COMMD7: variants seen among roughly 807,000 people sequenced by gnomAD.
COMMD7 encodes COMM domain-containing protein 7.
Under a neutral mutation model 34.8 loss-of-function variants are expected in COMMD7, and 28 were observed. The ratio of observed to expected loss-of-function variants is 0.80; its 90% CI spans 0.60 to 1.10. The LOEUF is 1.10. Among genes scored for constraint, COMMD7 ranks in the 50% least tolerant of loss-of-function variants. The pLI is 0.00. For synonymous variants in COMMD7, 80 were observed against 86.4 expected (o/e 0.93, Z 0.41); for missense variants, 211 against 241.6 (o/e 0.87, Z 0.84).
chr20:32,732,892 C>T (rs1396335877), intron 1 of COMMD7, among the ~76,000 whole-genome samples: 2 of 151,650 alleles, frequency 1.3e-5, no homozygotes, highest in East Asian at 3.9e-4. Context: ...GCCGAGATCG[C>T]GCCACTGCAC....
intron 6 of COMMD7, 108 bp from the exon 7 acceptor site, chr20:32,704,597 T>G (rs1983952574): frequency 1.7e-6 from 2 of 1,205,336 alleles, no homozygotes; most frequent in African/African-American, 1.5e-5. Context: ...AGAAGCCATG[T>G]GGGGGCAAGT....
intron 1 of COMMD7, among the ~76,000 whole-genome samples, chr20:32,740,986 T>C (rs61508120): frequency 0.2 from 31,037 of 151,494 alleles, 3,306 homozygotes; most frequent in Middle Eastern, 0.27. Context: ...CTACTAAAAA[T>C]ACAAAAATTA....
chr20:32,706,011 C>A (rs1185502625), intron 5 of COMMD7, among the ~76,000 whole-genome samples: 4 of 151,674 alleles, frequency 2.6e-5, no homozygotes, highest in African/African-American at 7.3e-5. Flanking sequence ...CCAGCCTGAC[C>A]AACATGGTGA....
intron 3 of COMMD7, among the ~76,000 whole-genome samples, chr20:32,712,722 G>A (rs1418896647): frequency 2.0e-5 from 2 of 100,330 alleles, no homozygotes; most frequent in African/African-American, 3.8e-5. Context: ...ACTTTGAGAT[G>A]GTCCCTTTTT....
At chr20:32,738,548 T>C (rs1986266207) in intron 1 of COMMD7, among the ~76,000 whole-genome samples, 1 of 152,026 alleles carries the variant, frequency 6.6e-6, no homozygotes, top group Admixed American at 6.6e-5. Context: ...GATCATGCCA[T>C]TGCACTACAG....
At position 32,723,225 on chromosome 20, in the gene COMMD7, G is replaced by A. The variant is rs1368191659; in HGVS notation, c.241+4668C>T. Among the ~76,000 whole-genome samples, 216 of 41,420 alleles carry A rather than the reference G, an allele frequency of 5.2e-3. 1 individual carries two copies. The highest frequency in any genetic ancestry group is 0.01 in the Non-Finnish European group (166 of 16,158). 27.2% of individuals were successfully genotyped at this position (41,420 alleles called of 152,430 possible). A position where few individuals can be genotyped will look rare whatever the true frequency, so the allele number is the denominator to read the frequency against. On this transcript the variant is annotated intron_variant, in intron 3 of 8. Transcript: ENST00000278980. ...AGCTGGACTGTACTGCTGCCATCTC[G>A]GCTCACTGCAACCTCCCTGCCTGAT...
At chr20:32,705,963 C>CTGAG (rs1984051678) in intron 5 of COMMD7, among the ~76,000 whole-genome samples, 1 of 152,092 alleles carries the variant, frequency 6.6e-6, no homozygotes, top group South Asian at 2.1e-4. Context: ...CTTTCAGAGG[C>CTGAG]TGAGGCAGGT....
chr20:32,743,284 C>T, intron 1 of COMMD7, 24 bp downstream of exon 1: 1 of 1,505,860 alleles, frequency 6.6e-7, no homozygotes, highest in Non-Finnish European at 8.8e-7. Context: ...GGCCCCGCGC[C>T]CCACGCCCCG....
At chr20:32,726,566 G>A (rs1267208781) in intron 3 of COMMD7, among the ~76,000 whole-genome samples, 1 of 152,028 alleles carries the variant, frequency 6.6e-6, no homozygotes, top group Non-Finnish European at 1.5e-5. Flanking sequence ...AGCTGGGTGT[G>A]GTGGCGGGCA....
At chr20:32,724,237 G>A (rs1985375240) in intron 3 of COMMD7, among the ~76,000 whole-genome samples, 1 of 24,796 alleles carries the variant, frequency 4.0e-5, no homozygotes, top group African/African-American at 1.4e-4. Context: ...GAGCCCCTCT[G>A]CCTGGCCAGC....
chr20:32,730,424 G>A (rs948201880), intron 1 of COMMD7, among the ~76,000 whole-genome samples: 1 of 152,246 alleles, frequency 6.6e-6, no homozygotes, highest in East Asian at 1.9e-4. Flanking sequence ...GCGTGGTGGT[G>A]CGTGCCTGTA....
chr20:32,726,403 C>G (rs1985516525), intron 3 of COMMD7, among the ~76,000 whole-genome samples: 1 of 151,974 alleles, frequency 6.6e-6, no homozygotes, highest in Non-Finnish European at 1.5e-5. Flanking sequence ...CTCAAAAAAA[C>G]AAACAAAAGA....
chr20:32,716,140 T>C (rs6058819), intron 3 of COMMD7, among the ~76,000 whole-genome samples: 105,023 of 152,016 alleles, frequency 0.69, 36,984 homozygotes, highest in Middle Eastern at 0.82. Flanking sequence ...TAGATCCTGA[T>C]GGGAACCCAT....
In COMMD7 at chr20:32,703,706, G is replaced by C. The variant is rs539043794; in HGVS notation, c.527-248C>G. 3.5e-6 allele frequency: 5 copies of C among 1,440,124 alleles called. No individual in the cohort carries two copies. In the South Asian group the frequency reaches 4.4e-5, roughly 13 times the overall value. The allele number at this position is 1,440,124 out of a possible 1,614,324, so 89.2% of individuals were successfully genotyped here. Reference sequence around the variant, plus strand: ...CTCCATGGCACAAAGAGATGAAAGGGTATCATTCGGGATGTTCAATGTGAC... The same window carrying C: ...CTCCATGGCACAAAGAGATGAAAGGCTATCATTCGGGATGTTCAATGTGAC... On this transcript the variant is annotated intron_variant, in intron 8 of 8. Coordinates refer to ENST00000278980, the MANE Select transcript of COMMD7 (RefSeq NM_053041.3).
chr20:32,727,828 T>C, intron 3 of COMMD7, 65 bp downstream of exon 3: 6 of 1,322,034 alleles, frequency 4.5e-6, no homozygotes, highest in Non-Finnish European at 4.4e-6. Context: ...CTTCAATGAC[T>C]CCATGGACTA....
intron 1 of COMMD7, 26 bp from the exon 2 acceptor site, chr20:32,728,168 CA>C: frequency 6.2e-7 from 1 of 1,613,140 alleles, no homozygotes; most frequent in Non-Finnish European, 8.5e-7. Context: ...CACAGAACAT[CA>C]GTACAATTTC....
At chr20:32,735,073 C>A (rs1468898520) in intron 1 of COMMD7, among the ~76,000 whole-genome samples, 2 of 151,140 alleles carry the variant, frequency 1.3e-5, no homozygotes, top group Non-Finnish European at 2.9e-5. Context: ...CCCCATTCTA[C>A]TAAAAACATA....
intron 1 of COMMD7, among the ~76,000 whole-genome samples, chr20:32,729,577 T>C (rs924058876): frequency 2.5e-4 from 38 of 151,088 alleles, no homozygotes; most frequent in African/African-American, 7.8e-4. Flanking sequence ...GGCTGTGAGT[T>C]TGAGATCTGC....
At chr20:32,725,697 G>C (rs953150586) in intron 3 of COMMD7, among the ~76,000 whole-genome samples, 4 of 151,976 alleles carry the variant, frequency 2.6e-5, no homozygotes, top group Admixed American at 2.6e-4. Context: ...CAAAGTGCTG[G>C]GATTACAGGC....
Sources: allele counts gnomAD v4.1 joint callset (sites outside exome capture counted in the v4.1 genomes callset), GRCh38; gene constraint gnomAD v4.1.1; transcripts MANE v1.5; gene names NCBI Gene and HGNC (gene_info 2026-07-23, HGNC 2026-07-21).